Variants in C12orf42 observed in about 807,000 individuals in gnomAD.
The protein encoded by C12orf42 is chromosome 12 open reading frame 42, also known as uncharacterized protein C12orf42.
Under a neutral mutation model 21.6 loss-of-function variants are expected in C12orf42, and 25 were observed. The ratio of observed to expected loss-of-function variants is 1.16; its 90% confidence interval spans 0.84 to 1.62. The LOEUF (loss-of-function observed/expected upper bound fraction) is 1.62. Among genes scored for constraint, C12orf42 ranks in the 40% most tolerant of loss-of-function variants. The pLI is 0.00. For missense variants in C12orf42, 483 were observed against 459.3 expected (o/e 1.05, Z -0.47); for synonymous variants, 174 against 175.0 (o/e 0.99, Z 0.05).
At chr12:103,322,157 G>A (rs1017816324) in intron 4 of C12orf42, among the ~76,000 whole-genome samples, 4 of 150,506 alleles carry the variant, frequency 2.7e-5, no homozygotes, top group Non-Finnish European at 4.4e-5. Flanking sequence ...ACACGCACAC[G>A]CACACAACTT....
At chr12:103,173,660 CCATTAAACAAATG>C in the C12orf42 span, among the ~76,000 whole-genome samples, 114 of 151,770 alleles carry the variant, frequency 7.5e-4, no homozygotes, top group Non-Finnish European at 1.1e-3. Context: ...TTAATGCCTT[CCATTAAACAAATG>C]CACCCTTCCC....
chr12:103,117,030 C>A, the C12orf42 span, among the ~76,000 whole-genome samples: 1 of 152,128 alleles, frequency 6.6e-6, no homozygotes, highest in African/African-American at 2.4e-5. Flanking sequence ...TTTATCATTT[C>A]TTTGTGTTGG....
At chr12:103,399,273 T>C (rs117868453) in intron 3 of C12orf42, among the ~76,000 whole-genome samples, 2,792 of 151,994 alleles carry the variant, frequency 0.018, 34 homozygotes, top group Non-Finnish European at 0.031. Flanking sequence ...CATTTTTGAG[T>C]AGACGTAATA....
At chr12:103,145,492 G>T in the C12orf42 span, among the ~76,000 whole-genome samples, 1 of 152,144 alleles carries the variant, frequency 6.6e-6, no homozygotes, top group African/African-American at 2.4e-5. Flanking sequence ...GGTGGTGAGG[G>T]TTTAGCAAAT....
At chr12:103,346,726 C>G (rs1226861138) in intron 4 of C12orf42, among the ~76,000 whole-genome samples, 1 of 152,164 alleles carries the variant, frequency 6.6e-6, no homozygotes, top group Non-Finnish European at 1.5e-5. Flanking sequence ...GACATGGTTG[C>G]ACTACAATAC....
chr12:103,134,935 G>A, the C12orf42 span, among the ~76,000 whole-genome samples: 1 of 152,082 alleles, frequency 6.6e-6, no homozygotes, highest in African/African-American at 2.4e-5. Flanking sequence ...AACCTTATAG[G>A]TCATGAGAGA....
chr12:103,540,539 T>C, the C12orf42 span, among the ~76,000 whole-genome samples: 2 of 152,222 alleles, frequency 1.3e-5, no homozygotes, highest in Admixed American at 1.3e-4. Flanking sequence ...CCGTTTCTTG[T>C]TATGCAGTAA....
the C12orf42 span, among the ~76,000 whole-genome samples, chr12:103,061,637 T>C: frequency 3.3e-5 from 5 of 152,030 alleles, no homozygotes; most frequent in Non-Finnish European, 5.9e-5. Context: ...TTTTTCTTAA[T>C]CTTTAATAAT....
chr12:103,122,916 G>C, the C12orf42 span, among the ~76,000 whole-genome samples: 1 of 152,074 alleles, frequency 6.6e-6, no homozygotes, highest in Admixed American at 6.6e-5. Context: ...ATATGAAGAG[G>C]GCCAAGGGTA....
At chr12:103,388,813 C>A (rs1281760765) in intron 3 of C12orf42, among the ~76,000 whole-genome samples, 2 of 152,332 alleles carry the variant, frequency 1.3e-5, no homozygotes, top group Non-Finnish European at 2.9e-5. Flanking sequence ...TCAAAACCTA[C>A]AGTGTTCTCC....
At chr12:103,532,172 A>G in the C12orf42 span, among the ~76,000 whole-genome samples, 2 of 152,232 alleles carry the variant, frequency 1.3e-5, no homozygotes, top group African/African-American at 2.4e-5. Flanking sequence ...GTTTAAAGCT[A>G]TATCTTCTAA....
At chr12:103,390,314 C>T (rs1050423385) in intron 3 of C12orf42, among the ~76,000 whole-genome samples, 3 of 152,156 alleles carry the variant, frequency 2.0e-5, no homozygotes, top group African/African-American at 7.2e-5. Flanking sequence ...ACAGAGCATA[C>T]AATTTACTGC....
At chr12:103,248,357 A>T (rs2034113192) in intron 10 of C12orf42, among the ~76,000 whole-genome samples, 1 of 152,034 alleles carries the variant, frequency 6.6e-6, no homozygotes, top group African/African-American at 2.4e-5. Context: ...GCCTGATATT[A>T]CAGTAAGTCG....
chr12:103,096,436 G>A, the C12orf42 span, among the ~76,000 whole-genome samples: 12 of 151,964 alleles, frequency 7.9e-5, no homozygotes, highest in Admixed American at 1.3e-4. Context: ...TATTTATTTT[G>A]GCCTTGAGGC....
the C12orf42 span, among the ~76,000 whole-genome samples, chr12:103,218,354 C>T: frequency 6.6e-6 from 1 of 151,776 alleles, no homozygotes; most frequent in Non-Finnish European, 1.5e-5. Context: ...ATAGACTAAA[C>T]CTGGTTTTAG....
the C12orf42 span, among the ~76,000 whole-genome samples, chr12:103,049,007 G>A: frequency 1.3e-5 from 2 of 152,150 alleles, no homozygotes; most frequent in African/African-American, 2.4e-5. Context: ...CACAGGATAG[G>A]TTTCGTCCTT....
chr12:103,376,111 G>T (rs573317017), intron 3 of C12orf42, among the ~76,000 whole-genome samples: 2 of 152,052 alleles, frequency 1.3e-5, no homozygotes, highest in Admixed American at 6.6e-5. Context: ...TTACACACAC[G>T]TTTAGTGCAG....
intron 5 of C12orf42, among the ~76,000 whole-genome samples, chr12:103,275,074 A>C (rs985674766): frequency 6.6e-6 from 1 of 152,168 alleles, no homozygotes; most frequent in Non-Finnish European, 1.5e-5. Flanking sequence ...GCATTGCCTA[A>C]ATTCAGTTGA....
intron 4 of C12orf42, among the ~76,000 whole-genome samples, chr12:103,358,735 C>G (rs1033632352): frequency 3.3e-5 from 5 of 152,070 alleles, no homozygotes; most frequent in African/African-American, 1.2e-4. Context: ...ATCCTTCACC[C>G]ACTCATTCCC....
Sources: gnomAD v4.1 joint callset for allele counts (sites outside exome capture counted in the v4.1 genomes callset) on GRCh38, gnomAD v4.1.1 for gene constraint, MANE v1.5 for transcripts, NCBI Gene and HGNC (gene_info 2026-07-23, HGNC 2026-07-21) for gene names.